The following BCAS3 variants were observed in gnomAD, a reference collection of about 807,000 sequenced individuals.
BCAS3 encodes the protein BCAS4/BCAS3 fusion.
BCAS3 carries 53 observed loss-of-function variants against 116.1 expected under a neutral mutation model. The observed-to-expected ratio is 0.46, with a 90% CI of 0.37 to 0.57. The LOEUF is 0.57. BCAS3 is among the 20% of genes least tolerant of loss of function. BCAS3 has a pLI of 0.00. For synonymous variants in BCAS3, 391 were observed against 408.2 expected (o/e 0.96, Z 0.51); for missense variants, 917 against 1,165.4 (o/e 0.79, Z 3.10).
intron 22 of BCAS3, among the ~76,000 whole-genome samples, chr17:61,322,804 G>GAGAGAGAGAGAGAGAGAGAGAGAC (rs2055350534): frequency 3.9e-5 from 5 of 128,478 alleles, no homozygotes; most frequent in African/African-American, 1.5e-4. Context: ...CAGAGAGAGA[G>GAGAGAGAGAGAGAGAGAGAGAGAC]AGAGAGAGAG....
In BCAS3 at chr17:61,070,383, ATATATATATATATATATC is replaced by A. The variant is rs2071273095; in HGVS notation, c.2030-4535_2030-4518del. 2.0e-5 allele frequency: 3 copies of A among 152,002 alleles called. 1 individual carries two copies. The Admixed American group carries it at 2.3e-4, about 12-fold the overall frequency. 9.4% of individuals were successfully genotyped at this position (152,002 alleles called of 1,614,324 possible). A position where few individuals can be genotyped will look rare whatever the true frequency, so the allele number is the denominator to read the frequency against. On this transcript the variant is annotated intron_variant, in intron 19 of 23. Transcript: ENST00000407086. ...TAATTCTGAATATATATATATATAT[ATATATATATATATATATC>A]TTTTCACCATTTAAAAAAAATAGAA... is the stretch of plus-strand genomic sequence containing the variant.
Position 61,037,978 on chromosome 17 carries a change from A to T in BCAS3, c.1852A>T (p.Ser618Cys). ...ACACATGATGGAGCCGCGACCCCTC[A>T]GCACTGCACCCAAGATTAGTGACGA... is the stretch of plus-strand genomic sequence containing the variant. ...VEHMMEPRPL[S>C]TAPKISDDTP... The change falls in exon 18 of 24, where the codon AGC (serine) becomes TGC (cysteine). Residue 618 changes from serine (S) to cysteine (C), a missense_variant. Around this residue, in one of 3 missense-constraint regions of BCAS3, gnomAD observed 807 missense variants for 1,026.0 expected, o/e 0.79. Coordinates refer to ENST00000407086, the MANE Select transcript of BCAS3 (RefSeq NM_017679.5). The surrounding 1 kb of genome is among the most constrained non-coding windows in gnomAD (Gnocchi z 4.7). 6.2e-7 allele frequency: 1 copy of T among 1,614,186 alleles called. No homozygotes were observed. The highest frequency in any genetic ancestry group is 8.5e-7 in the Non-Finnish European group (1 of 1,180,020).
chr17:60,817,984 A>G (rs573167169), intron 7 of BCAS3, among the ~76,000 whole-genome samples: 5 of 151,880 alleles, frequency 3.3e-5, no homozygotes, highest in African/African-American at 1.2e-4. Flanking sequence ...CCTCCCAGGT[A>G]GCTAGTTCTA....
At chr17:61,102,197 A>G (rs546132389) in intron 22 of BCAS3, among the ~76,000 whole-genome samples, 1 of 152,280 alleles carries the variant, frequency 6.6e-6, no homozygotes, top group East Asian at 1.9e-4. Context: ...GTAAGCTGAT[A>G]TAATTTTGAA....
rs2065152926 is a variant in BCAS3 at position 61,012,123 on chromosome 17, T to C, written c.1487-3628T>C. Reference sequence around the variant, plus strand: ...TTTTGTTCCTGAGTCATTTTTCAGATGTATTTATTAGCATGGTTTTCTCCC... The same window carrying C: ...TTTTGTTCCTGAGTCATTTTTCAGACGTATTTATTAGCATGGTTTTCTCCC... On this transcript the variant is annotated intron_variant, in intron 15 of 23. Coordinates refer to ENST00000407086, the MANE Select transcript of BCAS3 (RefSeq NM_017679.5). This position sits in a 1 kb window ranked among gnomAD's most constrained non-coding sequence, Gnocchi z 4.5. Among the ~76,000 whole-genome samples the C allele has an allele frequency of 6.6e-6, 1 of 152,086 alleles. No homozygotes were observed. Among genetic ancestry groups the C allele is most frequent in the South Asian group, 2.1e-4 (1 of 4,832 alleles).
chr17:61,093,830 A>G (rs757617683), intron 22 of BCAS3, among the ~76,000 whole-genome samples: 13 of 152,218 alleles, frequency 8.5e-5, no homozygotes, highest in Non-Finnish European at 1.9e-4. Flanking sequence ...TTGAAGTCTC[A>G]TATTTTAAGG....
intron 9 of BCAS3, among the ~76,000 whole-genome samples, chr17:60,882,086 A>G (rs1004026687): frequency 1.3e-5 from 2 of 148,788 alleles, no homozygotes; most frequent in Non-Finnish European, 3.0e-5. Context: ...ATTTCTCCAC[A>G]TCCTCTCCAG....
In BCAS3 at chr17:61,373,845, T is replaced by G. The variant is rs568612731; in HGVS notation, c.2593+5351T>G. ...TTTTTTTTTGCTCTGTCACCCAGAC[T>G]GGAGTACAGTGGTGCGATCTCGGCT... is the stretch of plus-strand genomic sequence containing the variant. On this transcript the variant is annotated intron_variant, in intron 23 of 23. Coordinates refer to ENST00000407086, the MANE Select transcript of BCAS3 (RefSeq NM_017679.5). 2.7e-3 allele frequency among the ~76,000 whole-genome samples: 351 copies of G among 128,886 alleles called. 3 individuals carry two copies. The highest frequency in any genetic ancestry group is 9.9e-3 in the African/African-American group (335 of 33,956). 84.6% of individuals were successfully genotyped at this position (128,886 alleles called of 152,430 possible). A position where few individuals can be genotyped will look rare whatever the true frequency, so the allele number is the denominator to read the frequency against.
intron 5 of BCAS3, among the ~76,000 whole-genome samples, chr17:60,736,268 A>G (rs533478851): frequency 1.3e-5 from 2 of 151,856 alleles, no homozygotes; most frequent in South Asian, 2.1e-4. Flanking sequence ...TTTCACATCT[A>G]TGTTCATGAG....
intron 22 of BCAS3, among the ~76,000 whole-genome samples, chr17:61,358,611 C>T (rs1020656163): frequency 1.3e-5 from 2 of 150,810 alleles, no homozygotes; most frequent in Non-Finnish European, 2.9e-5. Flanking sequence ...AAGTGATTCT[C>T]CTGCCTCAGC....
chr17:61,167,717 A>C (rs1010068486), intron 22 of BCAS3, among the ~76,000 whole-genome samples: 4 of 152,200 alleles, frequency 2.6e-5, no homozygotes, highest in Non-Finnish European at 5.9e-5. Context: ...GTGGGAGCCC[A>C]GACATTGGAG....
At chr17:60,938,558 G>GA (rs202146147) in intron 13 of BCAS3, among the ~76,000 whole-genome samples, 3,761 of 152,112 alleles carry the variant, frequency 0.025, 185 homozygotes, top group African/African-American at 0.086. Flanking sequence ...ACTTTAAAAA[G>GA]AAAACGTAAG....
chr17:60,965,226 ATT>A (rs142254431), intron 14 of BCAS3, among the ~76,000 whole-genome samples: 44 of 131,518 alleles, frequency 3.3e-4, no homozygotes, highest in African/African-American at 8.5e-4. Context: ...GGTATATTGA[ATT>A]TTTTTTTTTT....
At chr17:60,928,595 ATTC>A (rs1233350047) in intron 13 of BCAS3, among the ~76,000 whole-genome samples, 3 of 152,212 alleles carry the variant, frequency 2.0e-5, no homozygotes, top group South Asian at 4.1e-4. Context: ...ATTACTTACA[ATTC>A]TTCTTAATTA....
chr17:61,234,160 A>G (rs527378307), intron 22 of BCAS3, among the ~76,000 whole-genome samples: 2 of 152,344 alleles, frequency 1.3e-5, no homozygotes, highest in African/African-American at 4.8e-5. Context: ...CTGTCCCAGA[A>G]TGCATGGAGC....
chr17:60,785,909 A>G (rs1206641373), intron 6 of BCAS3, among the ~76,000 whole-genome samples: 2 of 152,220 alleles, frequency 1.3e-5, no homozygotes, highest in African/African-American at 4.8e-5. Context: ...TGCCTATACA[A>G]TACAGTGTAA....
chr17:60,727,028 A>G (rs935223066), intron 5 of BCAS3: 1 of 244,910 alleles, frequency 4.1e-6, no homozygotes, highest in African/African-American at 2.3e-5. Flanking sequence ...TTTAACAGAT[A>G]CCTTTTAAAA....
At chr17:60,708,549 G>A (rs574563777) in intron 4 of BCAS3, among the ~76,000 whole-genome samples, 1 of 151,926 alleles carries the variant, frequency 6.6e-6, no homozygotes, top group African/African-American at 2.4e-5. Flanking sequence ...TACTATTTTC[G>A]AGACGGAGTC....
chr17:60,968,332 C>T (rs868300259), intron 14 of BCAS3, among the ~76,000 whole-genome samples: 1 of 152,106 alleles, frequency 6.6e-6, no homozygotes, highest in East Asian at 1.9e-4. Context: ...CCTCTAACCT[C>T]AGCCTCCTGA....
Sources: gnomAD v4.1 joint callset for allele counts (sites outside exome capture counted in the v4.1 genomes callset) on GRCh38, gnomAD v4.1.1 for gene constraint, gnomAD v4.1.1 regional missense constraint, Gnocchi (gnomAD v3.1) non-coding constraint, MANE v1.5 for transcripts, NCBI Gene and HGNC (gene_info 2026-07-23, HGNC 2026-07-21) for gene names.